Variants in FRAS1 observed in about 807,000 individuals in gnomAD.
FRAS1 encodes Fraser extracellular matrix complex subunit 1.
Under a neutral mutation model 435.2 loss-of-function variants are expected in FRAS1, and 290 were observed. That is an observed-to-expected ratio of 0.67 (90% CI 0.61 to 0.73). The LOEUF is 0.73. FRAS1 is among the 30% of genes least tolerant of loss of function. FRAS1 has a pLI of 0.00. For synonymous variants in FRAS1, 1,800 were observed against 1,851.0 expected, an observed-to-expected ratio of 0.97 and a Z score of 0.71; for missense variants, 4,860 against 5,001.5, an observed-to-expected ratio of 0.97 and a Z score of 0.85.
At chr4:78,092,945 A>C (rs1056847793) in intron 2 of FRAS1, among the ~76,000 whole-genome samples, 8 of 152,352 alleles carry the variant, frequency 5.3e-5, no homozygotes, top group Admixed American at 6.5e-5. Flanking sequence ...AAAAGCAGAA[A>C]GATACTTTAT....
intron 22 of FRAS1, among the ~76,000 whole-genome samples, chr4:78,368,612 G>T (rs1215946034): frequency 6.6e-6 from 1 of 152,144 alleles, no homozygotes; most frequent in East Asian, 1.9e-4. Flanking sequence ...CCTGTTATTT[G>T]CTTTCATGAA....
intron 6 of FRAS1, among the ~76,000 whole-genome samples, chr4:78,259,461 T>C (rs1176281287): frequency 2.0e-5 from 3 of 150,794 alleles, no homozygotes; most frequent in Non-Finnish European, 4.5e-5. Flanking sequence ...TGGCCAGTGA[T>C]GGTGAGCATT....
At chr4:78,425,698 T>C (rs1318764419) in intron 35 of FRAS1, among the ~76,000 whole-genome samples, 1 of 152,208 alleles carries the variant, frequency 6.6e-6, no homozygotes. Context: ...ACATAATTCA[T>C]ACAATCAGTA....
intron 22 of FRAS1, among the ~76,000 whole-genome samples, chr4:78,368,848 T>C (rs1731382178): frequency 1.3e-5 from 2 of 152,048 alleles, no homozygotes; most frequent in Non-Finnish European, 2.9e-5. Context: ...GATTTCCAGG[T>C]GGAGAGAATG....
chr4:78,469,405 C>T (rs891741936), intron 50 of FRAS1, among the ~76,000 whole-genome samples: 16 of 152,108 alleles, frequency 1.1e-4, no homozygotes, highest in Non-Finnish European at 1.9e-4. Context: ...ACCACAAATG[C>T]TTTTATTTCT....
chr4:78,117,633 G>A (rs1718711386), intron 2 of FRAS1, among the ~76,000 whole-genome samples: 1 of 152,008 alleles, frequency 6.6e-6, no homozygotes, highest in Non-Finnish European at 1.5e-5. Flanking sequence ...CAGCTACTGA[G>A]GCTTGCATTC....
At chr4:78,509,155 C>A in intron 63 of FRAS1, 149 bp downstream of exon 63, 2 of 872,222 alleles carry the variant, frequency 2.3e-6, no homozygotes, top group Non-Finnish European at 3.4e-6. Flanking sequence ...TACTCTTATA[C>A]ATAAGAAAAG....
At chr4:78,371,950 A>G (rs1731530569) in intron 23 of FRAS1, among the ~76,000 whole-genome samples, 1 of 151,820 alleles carries the variant, frequency 6.6e-6, no homozygotes, top group Non-Finnish European at 1.5e-5. Context: ...TTTTTTAACA[A>G]CCCCCCTGGA....
intron 51 of FRAS1, 109 bp from the exon 52 acceptor site, chr4:78,472,071 T>C (rs1719724842): frequency 3.5e-6 from 4 of 1,154,026 alleles, no homozygotes; most frequent in Non-Finnish European, 3.8e-6. Context: ...TTCCATGCAG[T>C]AAATACACTC....
chr4:78,123,072 A>G (rs1277638148), intron 2 of FRAS1, among the ~76,000 whole-genome samples: 2 of 152,146 alleles, frequency 1.3e-5, no homozygotes, highest in African/African-American at 2.4e-5. Context: ...CCTGAATGGT[A>G]TTGCCCAGGT....
chr4:78,335,154 C>T (rs1038540043), intron 19 of FRAS1, among the ~76,000 whole-genome samples: 25 of 152,156 alleles, frequency 1.6e-4, no homozygotes, highest in Non-Finnish European at 3.2e-4. Context: ...TGAGGTACTG[C>T]TCTGGTTGTC....
intron 4 of FRAS1, among the ~76,000 whole-genome samples, chr4:78,246,777 G>A (rs553773088): frequency 5.9e-5 from 9 of 152,208 alleles, no homozygotes; most frequent in Non-Finnish European, 1.3e-4. Flanking sequence ...TCAAATAAGA[G>A]GTGGTACCAG....
chr4:78,308,228 T>C lies in FRAS1; in HGVS notation c.1678+19T>C, dbSNP rs1363251527. ...TGTAGCGGTGAGTGCTGGGTTGCGA[T>C]GCTGACGTGTCCTTTCCTTTTTCTT... On this transcript the variant is annotated intron_variant, in intron 15 of 73. Transcript: ENST00000512123. 1 of 1,609,752 alleles carries C rather than the reference T, an allele frequency of 6.2e-7. No individual in the cohort carries two copies. Among genetic ancestry groups the C allele is most frequent in the African/African-American group, 1.3e-5 (1 of 74,880 alleles).
In FRAS1 at chr4:78,421,904, T is replaced by C; in HGVS notation, c.4582T>C (p.Tyr1528His). ...HRDHPHSPIR[Y>H]FTQEDINQGK... is the part of the protein sequence containing the mutation. ...GGACCACCCTCACTCTCCTATCCGG[T>C]ATTTCACGCAAGAGGATATTAACCA... The change falls in exon 34 of 74, where the codon TAT becomes CAT. Residue 1528 changes from tyrosine (Y) to histidine (H), a missense_variant. Transcript: ENST00000512123. The C allele has an allele frequency of 1.9e-6, 3 of 1,613,810 alleles. No individual in the cohort carries two copies. The highest frequency in any genetic ancestry group is 1.7e-6 in the Non-Finnish European group (2 of 1,179,804).
rs779365992 is a variant in FRAS1 at position 78,281,438 on chromosome 4, G to A, written c.1107+5G>A. The A allele has an allele frequency of 6.4e-7, 1 of 1,553,032 alleles. No individual in the cohort carries two copies. Among genetic ancestry groups the A allele is most frequent in the Non-Finnish European group, 8.7e-7 (1 of 1,146,686 alleles). ...AGTGAAGTTAAACGTATTCCAGTAA[G>A]TATAGCTTTTTAACTTGCACGTAGA... On this transcript the variant is annotated splice_donor_5th_base_variant and intron_variant, in intron 11 of 73. Coordinates refer to ENST00000512123, the MANE Select transcript of FRAS1 (RefSeq NM_025074.7).
At chr4:78,309,555 G>A (rs1454257758) in intron 15 of FRAS1, among the ~76,000 whole-genome samples, 2 of 152,154 alleles carry the variant, frequency 1.3e-5, no homozygotes, top group Non-Finnish European at 2.9e-5. Context: ...GCTAATAAGG[G>A]GCAGAGTTGG....
intron 70 of FRAS1, among the ~76,000 whole-genome samples, chr4:78,531,938 A>C (rs1371713232): frequency 6.6e-6 from 1 of 152,172 alleles, no homozygotes; most frequent in Non-Finnish European, 1.5e-5. Flanking sequence ...AATATATTAA[A>C]AATCCAATTA....
At chr4:78,489,190 A>G (rs1327108349) in intron 59 of FRAS1, 110 bp downstream of exon 59, 2 of 1,000,246 alleles carry the variant, frequency 2.0e-6, no homozygotes, top group African/African-American at 1.6e-5. Flanking sequence ...TGTATACTAC[A>G]GGTGACCCTT....
At chr4:78,230,612 G>T (rs887140291) in intron 2 of FRAS1, among the ~76,000 whole-genome samples, 14 of 152,156 alleles carry the variant, frequency 9.2e-5, no homozygotes, top group African/African-American at 3.1e-4. Context: ...CTGGGTCAAA[G>T]AATCCTTTTT....
Sources: gnomAD v4.1 joint callset for allele counts (sites outside exome capture counted in the v4.1 genomes callset) on GRCh38, gnomAD v4.1.1 for gene constraint, MANE v1.5 for transcripts, NCBI Gene and HGNC (gene_info 2026-07-23, HGNC 2026-07-21) for gene names.